The following BRCC3 variants were observed in gnomAD, a reference collection of about 807,000 sequenced individuals.
The protein encoded by BRCC3 is BRCA1/BRCA2-containing complex subunit 3.
Under a neutral mutation model 28.0 loss-of-function variants are expected in BRCC3, and 15 were observed. That is an observed-to-expected ratio of 0.54 (90% CI 0.36 to 0.82). The LOEUF (loss-of-function observed/expected upper bound fraction) is 0.82, where lower values mean the gene tolerates loss of function less well. Among genes scored for constraint, BRCC3 ranks in the 40% least tolerant of loss-of-function variants. The probability of loss-of-function intolerance (pLI) is 0.01; values close to 1 mark genes in which losing one functional copy is unlikely to be tolerated. For synonymous variants in BRCC3, 66 were observed against 80.3 expected, an observed-to-expected ratio of 0.82 and a Z score of 0.95; for missense variants, 109 against 225.9, an observed-to-expected ratio of 0.48 and a Z score of 3.32.
intron 7 of BRCC3, among the ~76,000 whole-genome samples, chrX:155,099,020 CTG>C (rs782815829): frequency 9.0e-6 from 1 of 111,158 alleles, no homozygotes; most frequent in African/African-American, 3.3e-5. Flanking sequence ...TTAAACTTCT[CTG>C]TGTTTTTCCT....
At chrX:155,099,248 A>G in intron 7 of BRCC3, 2 of 1,138,688 alleles carry the variant, frequency 1.8e-6, no homozygotes, top group Non-Finnish European at 2.3e-6. Flanking sequence ...AGGGCTCTGC[A>G]GTGTCATCAG....
At chrX:155,087,681 C>A (rs1223534589) in intron 5 of BRCC3, among the ~76,000 whole-genome samples, 1 of 111,781 alleles carries the variant, frequency 8.9e-6, no homozygotes, top group African/African-American at 3.3e-5. Context: ...GATCCAGCAA[C>A]AGAGACAGGA....
intron 7 of BRCC3, among the ~76,000 whole-genome samples, chrX:155,098,870 G>A (rs1445249100): frequency 1.8e-5 from 2 of 112,304 alleles, no homozygotes; most frequent in Non-Finnish European, 3.8e-5. Context: ...ATCTGAGAGA[G>A]ATGTGTATGT....
rs1425455100 is a variant in BRCC3 at position 155,122,170 on chromosome X, G to A, written c.*966G>A. On this transcript the variant is annotated 3_prime_UTR_variant, in exon 11 of 11. Transcript: ENST00000330045. Reference sequence around the variant, plus strand: ...CAAAACTCAACAATAAAAACAAACAGTCCAATTAGAAAATGGGCAAAAGAC... The same window carrying A: ...CAAAACTCAACAATAAAAACAAACAATCCAATTAGAAAATGGGCAAAAGAC... 2.8e-5 allele frequency: 3 copies of A among 108,177 alleles called. No homozygotes were observed. Among genetic ancestry groups the A allele is most frequent in the Non-Finnish European group, 5.7e-5 (3 of 52,356 alleles). The allele number at this position is 108,177 out of a possible 1,213,427, so 8.9% of individuals were successfully genotyped here. A position where few individuals can be genotyped will look rare whatever the true frequency, so the allele number is the denominator to read the frequency against.
Position 155,092,728 on chromosome X carries a change from C to G in BRCC3, c.548+1889C>G, listed in dbSNP as rs781873301. Among the ~76,000 whole-genome samples the G allele has an allele frequency of 1.8e-4, 20 of 111,112 alleles. No individual in the cohort carries two copies. In the South Asian group the frequency reaches 7.7e-3, roughly 43 times the overall value. ...CTCTTACCCTGATCTGGTATCTTCT[C>G]TAGGCCTACTGCACAGCTGACATTC... On this transcript the variant is annotated intron_variant, in intron 7 of 10. Transcript: ENST00000330045.
intron 7 of BRCC3, among the ~76,000 whole-genome samples, chrX:155,091,333 G>A (rs2074173140): frequency 9.1e-6 from 1 of 109,375 alleles, no homozygotes; most frequent in Non-Finnish European, 1.9e-5. Context: ...GTGCAGTGGT[G>A]TAATCTTGGC....
At chrX:155,078,561 T>C in intron 4 of BRCC3, 55 bp from the exon 5 acceptor site, 1 of 865,464 alleles carries the variant, frequency 1.2e-6, no homozygotes, top group Non-Finnish European at 1.7e-6. Context: ...TTCTGAGCCC[T>C]TATTAGCATC....
chrX:155,090,989 G>T, intron 7 of BRCC3, 150 bp downstream of exon 7: 1 of 479,645 alleles, frequency 2.1e-6, no homozygotes, highest in South Asian at 4.0e-5. Context: ...CGATGAGTTA[G>T]AATCTCTTTA....
chrX:155,075,051 TTAACC>T (rs1275011683), intron 3 of BRCC3, among the ~76,000 whole-genome samples: 3 of 112,802 alleles, frequency 2.7e-5, no homozygotes, highest in Non-Finnish European at 5.6e-5. Flanking sequence ...TGTATTTTAG[TTAACC>T]TAAGTATCTG....
At chrX:155,077,055 T>C in intron 3 of BRCC3, 115 bp from the exon 4 acceptor site, 1 of 691,792 alleles carries the variant, frequency 1.4e-6, no homozygotes, top group East Asian at 5.8e-5. Flanking sequence ...AAAGTGTCAG[T>C]TTTCTAAAAT....
intron 5 of BRCC3, among the ~76,000 whole-genome samples, chrX:155,085,707 A>AGCAAG (rs2074118838): frequency 8.9e-6 from 1 of 112,300 alleles, no homozygotes; most frequent in African/African-American, 3.2e-5. Context: ...GGTGAGGATA[A>AGCAAG]TGTCACCAGA....
At chrX:155,112,233 C>T (rs986762486) in intron 7 of BRCC3, among the ~76,000 whole-genome samples, 2 of 111,281 alleles carry the variant, frequency 1.8e-5, no homozygotes, top group East Asian at 5.6e-4. Context: ...TGTTCTGGGG[C>T]CATTATTAAG....
At chrX:155,095,781 T>A (rs971866535) in intron 7 of BRCC3, among the ~76,000 whole-genome samples, 1 of 111,799 alleles carries the variant, frequency 8.9e-6, no homozygotes, top group Admixed American at 9.5e-5. Flanking sequence ...GGTGTACTTT[T>A]TTTTGGTCTT....
intron 5 of BRCC3, 81 bp from the exon 6 acceptor site, chrX:155,089,182 T>C (rs2074157073): frequency 3.0e-6 from 2 of 659,637 alleles, no homozygotes; most frequent in South Asian, 5.5e-5. Flanking sequence ...TATCTTTAAA[T>C]CTTTAAGTCA....
Position 155,121,668 on chromosome X carries a change from T to C in BRCC3, c.*464T>C, listed in dbSNP as rs1273538604. 1.8e-5 allele frequency: 2 copies of C among 112,564 alleles called. No individual in the cohort carries two copies. The highest frequency in any genetic ancestry group is 3.8e-5 in the Non-Finnish European group (2 of 53,287). 9.3% of individuals were successfully genotyped at this position (112,564 alleles called of 1,213,427 possible). A position where few individuals can be genotyped will look rare whatever the true frequency, so the allele number is the denominator to read the frequency against. ...GATCTTGGGCTAGGTGACAAGTTCT[T>C]GGACTTTGCCCCGAAAGCACATCCA... On this transcript the variant is annotated 3_prime_UTR_variant, in exon 11 of 11. Transcript: ENST00000330045.
At chrX:155,085,917 G>A (rs1557294777) in intron 5 of BRCC3, among the ~76,000 whole-genome samples, 1 of 111,661 alleles carries the variant, frequency 9.0e-6, no homozygotes, top group African/African-American at 3.3e-5. Context: ...GAATGACTCC[G>A]AGGAACTGCT....
intron 7 of BRCC3, among the ~76,000 whole-genome samples, chrX:155,094,203 T>G (rs141251320): frequency 3.6e-5 from 4 of 111,168 alleles, no homozygotes; most frequent in African/African-American, 1.3e-4. Flanking sequence ...GCCAGCTCTT[T>G]TGTTCAGGTA....
intron 7 of BRCC3, among the ~76,000 whole-genome samples, chrX:155,114,468 A>C (rs1219928295): frequency 1.8e-5 from 2 of 110,919 alleles, no homozygotes; most frequent in African/African-American, 6.6e-5. Flanking sequence ...GGGGAGTTTC[A>C]GTTCTGCAAG....
intron 5 of BRCC3, among the ~76,000 whole-genome samples, chrX:155,085,346 A>G (rs1260005139): frequency 8.9e-6 from 1 of 112,750 alleles, no homozygotes; most frequent in African/African-American, 3.2e-5. Flanking sequence ...CTTCAAGAAA[A>G]CTGTTTCTTA....
Sources: gnomAD v4.1 joint callset for allele counts (sites outside exome capture counted in the v4.1 genomes callset) on GRCh38, gnomAD v4.1.1 for gene constraint, MANE v1.5 for transcripts, NCBI Gene and HGNC (gene_info 2026-07-23, HGNC 2026-07-21) for gene names.